CSMD1: variants seen among roughly 807,000 people sequenced by gnomAD.
The protein encoded by CSMD1 is CUB and Sushi multiple domains 1.
A neutral mutation model predicts 417.5 loss-of-function variants in CSMD1; 213 were observed. The observed-to-expected ratio is 0.51, with a 90% CI of 0.46 to 0.57. CSMD1 has a LOEUF of 0.57. Among genes scored for constraint, CSMD1 ranks in the 20% least tolerant of loss-of-function variants. The probability of loss-of-function intolerance (pLI) is 0.00; values close to 1 mark genes in which losing one functional copy is unlikely to be tolerated. For synonymous variants in CSMD1, 2,862 were observed against 1,736.8 expected (o/e 1.65, Z -16.11); for missense variants, 6,923 against 4,529.7 (o/e 1.53, Z -15.17).
intron 7 of CSMD1, among the ~76,000 whole-genome samples, chr8:3,672,755 G>A (rs995530967): frequency 6.6e-6 from 1 of 152,168 alleles, no homozygotes; most frequent in Non-Finnish European, 1.5e-5. Flanking sequence ...CAGGCAAATG[G>A]AAGAAGGCTG....
At position 4,368,679 on chromosome 8, in the gene CSMD1, C is replaced by T. The variant is rs545369968; in HGVS notation, c.415+51274G>A. 4.6e-5 allele frequency among the ~76,000 whole-genome samples: 7 copies of T among 152,160 alleles called. No individual in the cohort carries two copies. The South Asian group carries it at 1.4e-3, about 32-fold the overall frequency. ...GGTCTGTTCAGGATTTTAATTTCTTCCTGGCTTAATATGAGATGTTGTGTA... is the reference window on the plus strand; with the variant it reads ...GGTCTGTTCAGGATTTTAATTTCTTTCTGGCTTAATATGAGATGTTGTGTA... On this transcript the variant is annotated intron_variant, in intron 3 of 69. Coordinates refer to ENST00000635120, the MANE Select transcript of CSMD1 (RefSeq NM_033225.6).
chr8:4,276,230 A>G (rs545773522), intron 3 of CSMD1, among the ~76,000 whole-genome samples: 1 of 152,348 alleles, frequency 6.6e-6, no homozygotes, highest in Non-Finnish European at 1.5e-5. Flanking sequence ...GCAAATGCCC[A>G]TCAACGATAG....
At chr8:4,617,263 C>A (rs796903661) in intron 2 of CSMD1, among the ~76,000 whole-genome samples, 18 of 152,220 alleles carry the variant, frequency 1.2e-4, no homozygotes, top group African/African-American at 4.1e-4. Context: ...AGAGCGATTA[C>A]TTGCTTCACC....
intron 6 of CSMD1, among the ~76,000 whole-genome samples, chr8:3,715,910 G>A (rs761608997): frequency 2.0e-5 from 3 of 152,194 alleles, no homozygotes; most frequent in Non-Finnish European, 4.4e-5. Context: ...ACATTCCTCT[G>A]CAGCTGCTGC....
intron 1 of CSMD1, among the ~76,000 whole-genome samples, chr8:4,782,490 C>A (rs1040349059): frequency 2.0e-5 from 3 of 152,052 alleles, no homozygotes; most frequent in Non-Finnish European, 4.4e-5. Context: ...TATTTAAGGA[C>A]CAGAATTGTA....
At chr8:4,834,684 C>T (rs185168752) in intron 1 of CSMD1, among the ~76,000 whole-genome samples, 4 of 151,988 alleles carry the variant, frequency 2.6e-5, no homozygotes, top group East Asian at 3.9e-4. Context: ...AGGCCAGGTG[C>T]GGTGGCTCAC....
chr8:3,566,213 G>C lies in CSMD1; in HGVS notation c.1344+8732C>G, dbSNP rs143539291. On this transcript the variant is annotated intron_variant, in intron 10 of 69. Coordinates refer to ENST00000635120, the MANE Select transcript of CSMD1 (RefSeq NM_033225.6). ...GAAAAGACAAGGAAAAGGAGGAGGA[G>C]AGGGAAGAGGAAGGGGATGAGAAAA... 4.6e-3 allele frequency among the ~76,000 whole-genome samples: 707 copies of C among 152,168 alleles called. 3 individuals are homozygous for C. The highest frequency in any genetic ancestry group is 0.016 in the African/African-American group (647 of 41,512).
intron 1 of CSMD1, among the ~76,000 whole-genome samples, chr8:4,818,805 T>G (rs1296433783): frequency 6.6e-6 from 1 of 152,220 alleles, no homozygotes; most frequent in Non-Finnish European, 1.5e-5. Flanking sequence ...TATTTTCATT[T>G]CATTAGAGAC....
intron 5 of CSMD1, among the ~76,000 whole-genome samples, chr8:3,845,296 A>G (rs947046941): frequency 2.6e-5 from 4 of 152,190 alleles, no homozygotes; most frequent in Non-Finnish European, 5.9e-5. Context: ...ACTCACAGAA[A>G]CCTAGGTGGA....
chr8:4,952,347 A>AAACATGAG (rs56786975), intron 1 of CSMD1, among the ~76,000 whole-genome samples: 123,573 of 151,614 alleles, frequency 0.82, 50,543 homozygotes, highest in Admixed American at 0.87. Flanking sequence ...CCAATAAGTG[A>AAACATGAG]AACTGAATAA....
intron 3 of CSMD1, among the ~76,000 whole-genome samples, chr8:4,359,509 C>T (rs1801627480): frequency 6.6e-6 from 1 of 152,170 alleles, no homozygotes; most frequent in African/African-American, 2.4e-5. Context: ...ATAGACTTCC[C>T]CAACCTTGCA....
intron 7 of CSMD1, among the ~76,000 whole-genome samples, chr8:3,642,039 G>C (rs1027590622): frequency 1.3e-5 from 2 of 152,052 alleles, no homozygotes; most frequent in Admixed American, 1.3e-4. Context: ...TGCAAACCTT[G>C]ATCACCTGGA....
intron 1 of CSMD1, among the ~76,000 whole-genome samples, chr8:4,854,953 T>C: frequency 6.6e-6 from 1 of 152,324 alleles, no homozygotes; most frequent in South Asian, 2.1e-4. Flanking sequence ...GCTCCACCTC[T>C]GGGGGCAGGG....
chr8:4,745,562 A>C (rs1189671193), intron 1 of CSMD1, among the ~76,000 whole-genome samples: 1 of 152,188 alleles, frequency 6.6e-6, no homozygotes, highest in African/African-American at 2.4e-5. Context: ...TCACTTATTG[A>C]AATGTAGCAG....
At chr8:4,749,553 C>T (rs954319316) in intron 1 of CSMD1, among the ~76,000 whole-genome samples, 1 of 152,126 alleles carries the variant, frequency 6.6e-6, no homozygotes, top group Non-Finnish European at 1.5e-5. Flanking sequence ...ACTTCTAAAA[C>T]CATGCTTGTT....
chr8:4,104,054 C>G (rs543286715), intron 3 of CSMD1, among the ~76,000 whole-genome samples: 2 of 152,302 alleles, frequency 1.3e-5, no homozygotes, highest in East Asian at 1.9e-4. Context: ...GGGCATTACT[C>G]AAGTACTACA....
chr8:4,804,539 G>A (rs913676948), intron 1 of CSMD1, among the ~76,000 whole-genome samples: 3 of 151,488 alleles, frequency 2.0e-5, no homozygotes, highest in African/African-American at 7.3e-5. Flanking sequence ...GAGAGAGAGA[G>A]AGAGGGAGGG....
At chr8:4,460,582 T>A (rs1379305345) in intron 2 of CSMD1, among the ~76,000 whole-genome samples, 1 of 150,400 alleles carries the variant, frequency 6.6e-6, no homozygotes, top group Non-Finnish European at 1.5e-5. Flanking sequence ...GTTCAAGAAA[T>A]AAAGAAGTCT....
At chr8:3,957,081 C>A (rs1812000381) in intron 5 of CSMD1, among the ~76,000 whole-genome samples, 1 of 152,080 alleles carries the variant, frequency 6.6e-6, no homozygotes, top group Non-Finnish European at 1.5e-5. Flanking sequence ...GGGGGAGGCT[C>A]TGTATATGTC....
Sources: allele counts gnomAD v4.1 joint callset (sites outside exome capture counted in the v4.1 genomes callset), GRCh38; gene constraint gnomAD v4.1.1; transcripts MANE v1.5; gene names NCBI Gene and HGNC (gene_info 2026-07-23, HGNC 2026-07-21).